The following VTCN1 variants were observed in gnomAD, a reference collection of about 807,000 sequenced individuals.
VTCN1 encodes V-set domain-containing T-cell activation inhibitor 1.
In VTCN1, 26 loss-of-function variants were observed where a neutral mutation model predicts 26.5. That is an observed-to-expected ratio of 0.98 (90% CI 0.72 to 1.36). The LOEUF is 1.36. Among genes scored for constraint, VTCN1 ranks in the 40% most tolerant of loss-of-function variants. The pLI, the probability that VTCN1 is intolerant of heterozygous loss-of-function variation, is 0.00. For synonymous variants in VTCN1, 116 were observed against 130.7 expected, an observed-to-expected ratio of 0.89 and a Z score of 0.77; for missense variants, 298 against 337.7, an observed-to-expected ratio of 0.88 and a Z score of 0.92.
At position 117,161,384 on chromosome 1, in the gene VTCN1, C is replaced by G. The variant is rs572253044; in HGVS notation, c.98-4463G>C. Reference sequence around the variant, plus strand: ...AAAGTCCGTTCAGATGGCAGCCCTCCCATGAAATCCTCTTTTAATTCACCA... The same window carrying G: ...AAAGTCCGTTCAGATGGCAGCCCTCGCATGAAATCCTCTTTTAATTCACCA... On this transcript the variant is annotated intron_variant, in intron 2 of 5. Transcript: ENST00000369458. This position sits in a 1 kb window ranked among gnomAD's most constrained non-coding sequence, Gnocchi z 4.3. Among the ~76,000 whole-genome samples, 41 of 152,260 alleles carry G rather than the reference C, an allele frequency of 2.7e-4. No homozygotes were observed. The highest frequency in any genetic ancestry group is 5.0e-4 in the Non-Finnish European group (34 of 68,018).
chr1:117,182,065 C>G (rs139483920), intron 1 of VTCN1, among the ~76,000 whole-genome samples: 173 of 152,290 alleles, frequency 1.1e-3, no homozygotes, highest in Non-Finnish European at 1.0e-3. Context: ...AAGCCTAGCC[C>G]TGGGATCAGT....
At chr1:117,157,982 G>T (rs1465081906) in intron 2 of VTCN1, among the ~76,000 whole-genome samples, 1 of 152,212 alleles carries the variant, frequency 6.6e-6, no homozygotes, top group Non-Finnish European at 1.5e-5. Context: ...TTGACTCCAG[G>T]TCTCACATCC....
At chr1:117,188,684 A>C (rs1648087900) in intron 1 of VTCN1, among the ~76,000 whole-genome samples, 1 of 152,202 alleles carries the variant, frequency 6.6e-6, no homozygotes, top group Admixed American at 6.5e-5. Flanking sequence ...ATTTTGGGAC[A>C]TATTCTACTA....
intron 1 of VTCN1, among the ~76,000 whole-genome samples, chr1:117,207,606 T>C (rs1649126040): frequency 6.6e-6 from 1 of 151,998 alleles, no homozygotes; most frequent in Admixed American, 6.5e-5. Flanking sequence ...AGGCCTGACC[T>C]CTCCTAGTTT....
At chr1:117,190,498 A>G (rs1648190869) in intron 1 of VTCN1, among the ~76,000 whole-genome samples, 1 of 152,188 alleles carries the variant, frequency 6.6e-6, no homozygotes, top group Non-Finnish European at 1.5e-5. Context: ...GAGACTTGGC[A>G]GGAGCCATAG....
chr1:117,175,012 A>G lies in VTCN1; in HGVS notation c.33-4841T>C, dbSNP rs1314356429. 2.0e-5 allele frequency among the ~76,000 whole-genome samples: 3 copies of G among 152,204 alleles called. No homozygotes were observed. Among genetic ancestry groups the G allele is most frequent in the African/African-American group, 7.2e-5 (3 of 41,452 alleles). ...GAACCCAGAGCCTTCCAGGTGAAGGAGCAGCTTTGCAGCCTGGAATTCTGT... is the reference window on the plus strand; with the variant it reads ...GAACCCAGAGCCTTCCAGGTGAAGGGGCAGCTTTGCAGCCTGGAATTCTGT... On this transcript the variant is annotated intron_variant, in intron 1 of 5. Transcript: ENST00000369458. This position sits in a 1 kb window ranked among gnomAD's most constrained non-coding sequence, Gnocchi z 4.2.
rs961748858 is a variant in VTCN1, at chr1:117,161,478, A to C, written c.98-4557T>G. On this transcript the variant is annotated intron_variant, in intron 2 of 5. Transcript: ENST00000369458. The surrounding 1 kb of genome is among the most constrained non-coding windows in gnomAD (Gnocchi z 4.3). ...TTGTCTTTTTGGCCTTTATTATAGC[A>C]GCTGTCTCCCTCTACCTGGTCTCTA... Among the ~76,000 whole-genome samples the C allele has an allele frequency of 8.5e-5, 13 of 152,164 alleles. No homozygotes were observed. Among genetic ancestry groups the C allele is most frequent in the African/African-American group, 1.2e-4 (5 of 41,434 alleles).
chr1:117,160,162 G>C lies in VTCN1; in HGVS notation c.98-3241C>G, dbSNP rs150249288. On this transcript the variant is annotated intron_variant, in intron 2 of 5. Coordinates refer to ENST00000369458, the MANE Select transcript of VTCN1 (RefSeq NM_024626.4). Reference sequence around the variant, plus strand: ...AGGAGACACAAAGAAGTATGGGGGAGAGACCATGGGAGAGAAAAATGGAAA... The same window carrying C: ...AGGAGACACAAAGAAGTATGGGGGACAGACCATGGGAGAGAAAAATGGAAA... 5.3e-4 allele frequency among the ~76,000 whole-genome samples: 80 copies of C among 152,300 alleles called. 1 individual carries two copies. The East Asian group carries it at 0.014, about 27-fold the overall frequency.
intron 1 of VTCN1, among the ~76,000 whole-genome samples, chr1:117,200,280 A>G (rs1370254668): frequency 6.6e-6 from 1 of 152,116 alleles, no homozygotes; most frequent in Non-Finnish European, 1.5e-5. Flanking sequence ...AGTACCTGTA[A>G]TCCCAGCTAC....
chr1:117,190,245 A>G (rs907533454), intron 1 of VTCN1, among the ~76,000 whole-genome samples: 8 of 152,216 alleles, frequency 5.3e-5, no homozygotes, highest in Admixed American at 6.5e-5. Flanking sequence ...TCTCAGTCCA[A>G]CTGAGGATTG....
At chr1:117,192,550 G>A (rs1648296228) in intron 1 of VTCN1, among the ~76,000 whole-genome samples, 1 of 152,110 alleles carries the variant, frequency 6.6e-6, no homozygotes, top group East Asian at 1.9e-4. Context: ...TAGTATAAAA[G>A]TTAAAAGACA....
chr1:117,153,140 A>G lies in VTCN1; in HGVS notation c.675T>C (p.Cys225=). Residue 225 remains cysteine (C), a synonymous_variant, in exon 4 of 6, where the codon TGT becomes TGC. Coordinates refer to ENST00000369458, the MANE Select transcript of VTCN1 (RefSeq NM_024626.4). ...YNVTINNTYS[C]MIENDIAKAT... ...CTTTGGCAATGTCATTTTCAATCATACAGGAGTATGTGTTGTTGATCGTAA... is the reference window on the plus strand; with the variant it reads ...CTTTGGCAATGTCATTTTCAATCATGCAGGAGTATGTGTTGTTGATCGTAA... 1 of 1,613,854 alleles carries G rather than the reference A, an allele frequency of 6.2e-7. No homozygotes were observed. The highest frequency in any genetic ancestry group is 8.5e-7 in the Non-Finnish European group (1 of 1,179,992).
At chr1:117,197,511 G>A (rs1433165813) in intron 1 of VTCN1, among the ~76,000 whole-genome samples, 2 of 152,108 alleles carry the variant, frequency 1.3e-5, no homozygotes, top group African/African-American at 4.8e-5. Flanking sequence ...TTTACTTAGG[G>A]AGTATACTGA....
At chr1:117,186,282 T>C (rs1647939481) in intron 1 of VTCN1, among the ~76,000 whole-genome samples, 1 of 152,158 alleles carries the variant, frequency 6.6e-6, no homozygotes, top group Admixed American at 6.6e-5. Context: ...ATTAGAACAA[T>C]CGTATTAAAT....
Position 117,145,665 on chromosome 1 carries a change from C to T in VTCN1, c.*46-440G>A, listed in dbSNP as rs905926405. Among the ~76,000 whole-genome samples, 1 of 152,194 alleles carries T rather than the reference C, an allele frequency of 6.6e-6. No individual in the cohort carries two copies. Among genetic ancestry groups the T allele is most frequent in the Non-Finnish European group, 1.5e-5 (1 of 68,032 alleles). On this transcript the variant is annotated intron_variant, in intron 5 of 5. Transcript: ENST00000369458. The surrounding 1 kb of genome is among the most constrained non-coding windows in gnomAD (Gnocchi z 4.6). The stretch of plus-strand genomic sequence containing the variant: ...ATTATTTTTTTGAGACAGGGTCTCA[C>T]TCTGTTGCCCAGGCTGGAGTGCAGT...
chr1:117,171,005 C>A (rs1652886657), intron 1 of VTCN1, among the ~76,000 whole-genome samples: 1 of 151,876 alleles, frequency 6.6e-6, no homozygotes, highest in African/African-American at 2.4e-5. Flanking sequence ...CTCCCCTTGC[C>A]CCCAGCCCCC....
At chr1:117,178,455 A>G (rs946032347) in intron 1 of VTCN1, among the ~76,000 whole-genome samples, 1 of 150,904 alleles carries the variant, frequency 6.6e-6, no homozygotes, top group African/African-American at 2.4e-5. Flanking sequence ...ATGGGATTTC[A>G]CTATGTTGGC....
chr1:117,159,983 G>C lies in VTCN1; in HGVS notation c.98-3062C>G, dbSNP rs1652281092. Among the ~76,000 whole-genome samples, 1 of 152,168 alleles carries C rather than the reference G, an allele frequency of 6.6e-6. No homozygotes were observed. Among genetic ancestry groups the C allele is most frequent in the African/African-American group, 2.4e-5 (1 of 41,438 alleles). On this transcript the variant is annotated intron_variant, in intron 2 of 5. Transcript: ENST00000369458. This position sits in a 1 kb window ranked among gnomAD's most constrained non-coding sequence, Gnocchi z 4.7. ...CCAGCCTACAGCCTACCCAGTCAAG[G>C]AAGGATCAATCAGCTGTTCATTGTA...
intron 2 of VTCN1, among the ~76,000 whole-genome samples, chr1:117,162,125 G>A (rs1652398060): frequency 6.6e-6 from 1 of 152,098 alleles, no homozygotes; most frequent in African/African-American, 2.4e-5. Flanking sequence ...TGTGGCAGAT[G>A]GAATGAGTGT....
Sources: allele counts gnomAD v4.1 joint callset (sites outside exome capture counted in the v4.1 genomes callset), GRCh38; gene constraint gnomAD v4.1.1; non-coding constraint Gnocchi (gnomAD v3.1); transcripts MANE v1.5; gene names NCBI Gene and HGNC (gene_info 2026-07-23, HGNC 2026-07-21).